FAM184A: variants seen among roughly 807,000 people sequenced by gnomAD.
FAM184A encodes family with sequence similarity 184 member A.
A neutral mutation model predicts 143.8 loss-of-function variants in FAM184A; 99 were observed. That is an observed-to-expected ratio of 0.69 (90% confidence interval 0.58 to 0.81). The LOEUF (loss-of-function observed/expected upper bound fraction) is 0.81. Among genes scored for constraint, FAM184A ranks in the 40% least tolerant of loss-of-function variants. FAM184A has a pLI of 0.00. For missense variants in FAM184A, 1,217 were observed against 1,310.5 expected (o/e 0.93, Z 1.10); for synonymous variants, 427 against 446.4 (o/e 0.96, Z 0.55).
At chr6:119,027,002 G>T (rs1785657595) in intron 1 of FAM184A, among the ~76,000 whole-genome samples, 1 of 151,908 alleles carries the variant, frequency 6.6e-6, no homozygotes, top group African/African-American at 2.4e-5. Context: ...CTACCTGGAG[G>T]CCTCATCTAC....
intron 1 of FAM184A, among the ~76,000 whole-genome samples, chr6:119,046,559 C>T (rs1308020357): frequency 3.7e-5 from 3 of 80,512 alleles, no homozygotes; most frequent in African/African-American, 9.0e-5. Flanking sequence ...GTTATACCTA[C>T]CAAATAAAAA....
intron 9 of FAM184A, among the ~76,000 whole-genome samples, chr6:118,985,944 T>C (rs1784179407): frequency 6.6e-6 from 1 of 152,228 alleles, no homozygotes; most frequent in South Asian, 2.1e-4. Flanking sequence ...TTTAATTATA[T>C]GATTTATTTT....
At chr6:118,987,733 T>G (rs1264439409) in intron 9 of FAM184A, among the ~76,000 whole-genome samples, 1 of 152,164 alleles carries the variant, frequency 6.6e-6, no homozygotes, top group Admixed American at 6.5e-5. Context: ...ACAAAAAAAT[T>G]TTACATTTAT....
Position 119,078,091 on chromosome 6 carries a change from C to T in FAM184A, c.159+50G>A, listed in dbSNP as rs1009235724. 3.9e-6 allele frequency: 6 copies of T among 1,537,128 alleles called. No individual in the cohort carries two copies. Among genetic ancestry groups the T allele is most frequent in the Admixed American group, 3.9e-5 (2 of 51,440 alleles). On this transcript the variant is annotated intron_variant, in intron 1 of 17. Coordinates refer to ENST00000338891, the MANE Select transcript of FAM184A (RefSeq NM_024581.6). The surrounding 1 kb of genome is among the most constrained non-coding windows in gnomAD (Gnocchi z 5.5). ...TGCCTCCCGGGGAGACAGGTGAGTC[C>T]GGCGCGGCCCGCACGGGGTCGCCAC...
chr6:119,012,521 T>A (rs961834047), intron 5 of FAM184A, among the ~76,000 whole-genome samples: 8 of 152,240 alleles, frequency 5.3e-5, no homozygotes, highest in African/African-American at 1.7e-4. Context: ...GTTGTCCTTA[T>A]ACAAGACAGG....
At chr6:119,143,538 G>A (rs566282182) in intron 1 of FAM184A, among the ~76,000 whole-genome samples, 9 of 152,318 alleles carry the variant, frequency 5.9e-5, no homozygotes, top group African/African-American at 2.2e-4. Flanking sequence ...ATTCACAATA[G>A]CCAAGAGGTG....
At chr6:119,133,911 G>A (rs1203808914) in intron 1 of FAM184A, among the ~76,000 whole-genome samples, 2 of 151,238 alleles carry the variant, frequency 1.3e-5, no homozygotes, top group Non-Finnish European at 3.0e-5. Flanking sequence ...GCCAAAGCAG[G>A]GCTCAAGTGA....
Position 118,973,078 on chromosome 6 carries a change from A to C in FAM184A, c.2915+1350T>G, listed in dbSNP as rs185041228. On this transcript the variant is annotated intron_variant, in intron 14 of 17. Transcript: ENST00000338891. The stretch of plus-strand genomic sequence containing the variant: ...CAAAAAGTGGTAAATATGATGGAGA[A>C]AGAATCATAAAATTCATTCATGAAA... Among the ~76,000 whole-genome samples the C allele has an allele frequency of 6.0e-3, 916 of 152,314 alleles. 5 individuals carry two copies. The highest frequency in any genetic ancestry group is 0.014 in the Middle Eastern group (4 of 294).
chr6:119,060,416 A>G (rs1479497931), intron 1 of FAM184A, among the ~76,000 whole-genome samples: 1 of 152,258 alleles, frequency 6.6e-6, no homozygotes, highest in East Asian at 1.9e-4. Flanking sequence ...GGCTAAAGCA[A>G]CAGCCCACAG....
intron 1 of FAM184A, among the ~76,000 whole-genome samples, chr6:119,035,101 G>T (rs1340872896): frequency 6.6e-6 from 1 of 152,050 alleles, no homozygotes; most frequent in Non-Finnish European, 1.5e-5. Context: ...TTTTTAAAAG[G>T]CTGTGAGAGT....
Position 119,078,542 on chromosome 6 carries a change from C to T in FAM184A, c.-243G>A. 1 of 313,574 alleles carries T rather than the reference C, an allele frequency of 3.2e-6. No individual in the cohort carries two copies. The highest frequency in any genetic ancestry group is 5.8e-6 in the Non-Finnish European group (1 of 172,824). The allele number at this position is 313,574 out of a possible 1,614,324, so 19.4% of individuals were successfully genotyped here. On this transcript the variant is annotated 5_prime_UTR_variant, in exon 1 of 18. Coordinates refer to ENST00000338891, the MANE Select transcript of FAM184A (RefSeq NM_024581.6). The surrounding 1 kb of genome is among the most constrained non-coding windows in gnomAD (Gnocchi z 5.5). ...CGCGGGGCAGATGCCCGGGGTTGGGCGGCGGCGGCCGGGGGCCGGGCCAGC... is the reference window on the plus strand; with the variant it reads ...CGCGGGGCAGATGCCCGGGGTTGGGTGGCGGCGGCCGGGGGCCGGGCCAGC...
At chr6:119,130,701 C>A (rs1789512315) in intron 1 of FAM184A, among the ~76,000 whole-genome samples, 2 of 152,058 alleles carry the variant, frequency 1.3e-5, no homozygotes, top group African/African-American at 4.8e-5. Flanking sequence ...GTCAAATTGC[C>A]AGAAATCATA....
Position 119,037,854 on chromosome 6 carries a change from AG to A in FAM184A, c.160-13042del, listed in dbSNP as rs1255148763. 3.9e-5 allele frequency among the ~76,000 whole-genome samples: 6 copies of A among 152,316 alleles called. No individual in the cohort carries two copies. The South Asian group carries it at 8.3e-4, about 21-fold the overall frequency. ...TTTCTCTTCTTGAAAAGCAGTCCAA[AG>A]CAAAAAAGAAAATAAGAAAAAGGTA... is the stretch of plus-strand genomic sequence containing the variant. On this transcript the variant is annotated intron_variant, in intron 1 of 17. Transcript: ENST00000338891.
intron 1 of FAM184A, among the ~76,000 whole-genome samples, chr6:119,106,503 C>T (rs1033468642): frequency 2.0e-5 from 3 of 152,218 alleles, no homozygotes; most frequent in South Asian, 2.1e-4. Flanking sequence ...TTCTCATCTG[C>T]TTTCACAGTC....
chr6:119,083,126 C>T (rs187117504), upstream of FAM184A, among the ~76,000 whole-genome samples: 3 of 152,206 alleles, frequency 2.0e-5, no homozygotes, highest in Non-Finnish European at 2.9e-5. Context: ...CTGAGCTGTA[C>T]GTTGGTCCCT....
At chr6:119,029,076 G>C (rs975243531) in intron 1 of FAM184A, among the ~76,000 whole-genome samples, 1 of 152,190 alleles carries the variant, frequency 6.6e-6, no homozygotes, top group Non-Finnish European at 1.5e-5. Context: ...CAGCCAGAGA[G>C]AAGCCCATTT....
intron 9 of FAM184A, among the ~76,000 whole-genome samples, chr6:118,991,704 G>A (rs1784381690): frequency 6.8e-6 from 1 of 147,546 alleles, no homozygotes; most frequent in African/African-American, 2.5e-5. Context: ...GTGAGAGTCG[G>A]AATAACGGAA....
At chr6:118,962,316 G>T (rs2114529665) in intron 16 of FAM184A, 1 of 202,684 alleles carries the variant, frequency 4.9e-6, no homozygotes, top group South Asian at 9.6e-5. Flanking sequence ...AAGTCTTGCA[G>T]ATAGAAGGTT....
chr6:119,043,713 G>A lies in FAM184A; in HGVS notation c.160-18900C>T, dbSNP rs763306163. Among the ~76,000 whole-genome samples the A allele has an allele frequency of 3.5e-4, 54 of 152,232 alleles. 1 individual carries two copies. The highest frequency in any genetic ancestry group is 6.2e-4 in the Non-Finnish European group (42 of 68,044). On this transcript the variant is annotated intron_variant, in intron 1 of 17. Coordinates refer to ENST00000338891, the MANE Select transcript of FAM184A (RefSeq NM_024581.6). The stretch of plus-strand genomic sequence containing the variant: ...AGAGAAAAAAAGAAAAACTCTTTGG[G>A]AGAATGGGCAGGAAGCCATTGGATG...
Sources: gnomAD v4.1 joint callset for allele counts (sites outside exome capture counted in the v4.1 genomes callset) on GRCh38, gnomAD v4.1.1 for gene constraint, Gnocchi (gnomAD v3.1) non-coding constraint, MANE v1.5 for transcripts, NCBI Gene and HGNC (gene_info 2026-07-23, HGNC 2026-07-21) for gene names.